DPP6: variants seen among roughly 807,000 people sequenced by gnomAD.
DPP6 encodes dipeptidyl peptidase like 6.
In DPP6, 69 loss-of-function variants were observed where a neutral mutation model predicts 122.6. That is an observed-to-expected ratio of 0.56 (90% CI 0.46 to 0.69). DPP6 has a LOEUF of 0.69. DPP6 is among the 30% of genes least tolerant of loss of function. DPP6 has a pLI of 0.00. For synonymous variants in DPP6, 418 were observed against 433.1 expected, an observed-to-expected ratio of 0.97 and a Z score of 0.43; for missense variants, 928 against 1,116.9, an observed-to-expected ratio of 0.83 and a Z score of 2.41.
At chr7:154,471,276 C>T (rs1203459232) in intron 2 of DPP6, among the ~76,000 whole-genome samples, 1 of 152,138 alleles carries the variant, frequency 6.6e-6, no homozygotes, top group Non-Finnish European at 1.5e-5. Flanking sequence ...AAAAGCATAG[C>T]TGCTTCTTTC....
intron 3 of DPP6, among the ~76,000 whole-genome samples, chr7:154,522,473 A>G (rs1827075738): frequency 6.6e-6 from 1 of 152,134 alleles, no homozygotes; most frequent in African/African-American, 2.4e-5. Flanking sequence ...GAAGCTGGGA[A>G]ATCTCCAGGT....
intron 1 of DPP6, among the ~76,000 whole-genome samples, chr7:154,119,232 A>C (rs1417578657): frequency 6.6e-6 from 1 of 152,208 alleles, no homozygotes; most frequent in African/African-American, 2.4e-5. Flanking sequence ...AGGAGGGGCC[A>C]TTATGCTCTG....
rs1554498771 is a variant in DPP6 at position 154,241,185 on chromosome 7, ATGTGTGTGTG to A, written c.243+188148_243+188157del. On this transcript the variant is annotated intron_variant, in intron 1 of 25. Coordinates refer to ENST00000377770, the MANE Select transcript of DPP6 (RefSeq NM_130797.4). This position sits in a 1 kb window ranked among gnomAD's most constrained non-coding sequence, Gnocchi z 9.0. ...GCACAGTAGGTAATTCAATATCAATATGTGTGTGTGTGTGTGTGTGTGTGTGTGTGTGTGT... is the reference window on the plus strand; with the variant it reads ...GCACAGTAGGTAATTCAATATCAATATGTGTGTGTGTGTGTGTGTGTGTGT... Among the ~76,000 whole-genome samples the A allele has an allele frequency of 1.5e-5, 2 of 136,212 alleles. No individual in the cohort carries two copies. Among genetic ancestry groups the A allele is most frequent in the South Asian group, 2.6e-4 (1 of 3,842 alleles). 89.4% of individuals were successfully genotyped at this position (136,212 alleles called of 152,430 possible).
chr7:153,808,419 C>CTG, the DPP6 span, among the ~76,000 whole-genome samples: 3 of 151,146 alleles, frequency 2.0e-5, no homozygotes, highest in Non-Finnish European at 4.4e-5. Flanking sequence ...GTATGTGTGT[C>CTG]TGTGTGTGTG....
At chr7:154,736,974 T>C (rs1016442473) in intron 8 of DPP6, among the ~76,000 whole-genome samples, 1 of 152,206 alleles carries the variant, frequency 6.6e-6, no homozygotes, top group Non-Finnish European at 1.5e-5. Context: ...TCGTTTTAAT[T>C]ATGAGTTTCA....
intron 16 of DPP6, among the ~76,000 whole-genome samples, chr7:154,837,584 C>T (rs1801189830): frequency 6.6e-6 from 1 of 152,106 alleles, no homozygotes. Context: ...ATTTTTCTGT[C>T]CCTGGGCCAG....
At chr7:154,404,591 A>G (rs1283776988) in intron 1 of DPP6, among the ~76,000 whole-genome samples, 2 of 152,258 alleles carry the variant, frequency 1.3e-5, no homozygotes, top group Non-Finnish European at 2.9e-5. Flanking sequence ...AATAGGAATG[A>G]TGACCAGGTC....
At chr7:154,261,442 G>T (rs1280016369) in intron 1 of DPP6, among the ~76,000 whole-genome samples, 1 of 152,144 alleles carries the variant, frequency 6.6e-6, no homozygotes, top group African/African-American at 2.4e-5. Flanking sequence ...AATTCTAGAA[G>T]ATAACATCAT....
intron 1 of DPP6, among the ~76,000 whole-genome samples, chr7:154,006,179 C>T (rs553962296): frequency 6.6e-6 from 1 of 152,246 alleles, no homozygotes; most frequent in Admixed American, 6.5e-5. Flanking sequence ...CTGACCTTGG[C>T]CCTATAATCA....
rs76285403 is a variant in DPP6, at chr7:154,675,734, G to A, written c.762+6293G>A. ...CATTCACCTATTGGCACATTCACTCGCTCTCCCCAACCGCGAATGCTGCCC... is the reference window on the plus strand; with the variant it reads ...CATTCACCTATTGGCACATTCACTCACTCTCCCCAACCGCGAATGCTGCCC... On this transcript the variant is annotated intron_variant, in intron 7 of 25. Coordinates refer to ENST00000377770, the MANE Select transcript of DPP6 (RefSeq NM_130797.4). Among the ~76,000 whole-genome samples the A allele has an allele frequency of 9.3e-3, 1,418 of 152,112 alleles. 26 individuals are homozygous for A. The highest frequency in any genetic ancestry group is 0.031 in the African/African-American group (1,291 of 41,452).
At chr7:154,305,304 G>T (rs1806225928) in intron 1 of DPP6, 1 of 1,355,950 alleles carries the variant, frequency 7.4e-7, no homozygotes. Context: ...TCTCTCTGCT[G>T]CTTGCATTTA....
At chr7:154,794,766 G>A (rs925053861) in intron 11 of DPP6, among the ~76,000 whole-genome samples, 5 of 60,374 alleles carry the variant, frequency 8.3e-5, no homozygotes, top group African/African-American at 2.1e-4. Context: ...GGTTGCCCGG[G>A]TGGAGCAGGC....
chr7:154,283,082 G>T (rs376171718), intron 1 of DPP6, among the ~76,000 whole-genome samples: 1 of 152,156 alleles, frequency 6.6e-6, no homozygotes, highest in Non-Finnish European at 1.5e-5. Flanking sequence ...GTGATATTGA[G>T]TGAGCCCTTT....
rs1431762347 is a variant in DPP6 at position 154,118,538 on chromosome 7, C to T, written c.243+65475C>T. On this transcript the variant is annotated intron_variant, in intron 1 of 25. Coordinates refer to ENST00000377770, the MANE Select transcript of DPP6 (RefSeq NM_130797.4). ...TTTGACAGTTTAATAGTCACGTGGA[C>T]GCACACTGTTGTTTGCAGGAGGGGC... Among the ~76,000 whole-genome samples, 8 of 149,042 alleles carry T rather than the reference C, an allele frequency of 5.4e-5. No homozygotes were observed. The South Asian group carries it at 6.4e-4, about 12-fold the overall frequency.
intron 1 of DPP6, among the ~76,000 whole-genome samples, chr7:154,201,712 A>G (rs1357588648): frequency 2.0e-5 from 3 of 151,690 alleles, no homozygotes; most frequent in Non-Finnish European, 4.4e-5. Context: ...GGACTCCAAG[A>G]ATAGCAGTTA....
intron 1 of DPP6, among the ~76,000 whole-genome samples, chr7:154,010,960 G>A (rs1448926030): frequency 6.6e-6 from 1 of 152,186 alleles, no homozygotes; most frequent in Non-Finnish European, 1.5e-5. Flanking sequence ...AGTAGAAATG[G>A]GTACTTGAGT....
chr7:153,993,272 C>T (rs1797268250), intron 1 of DPP6, among the ~76,000 whole-genome samples: 1 of 152,190 alleles, frequency 6.6e-6, no homozygotes, highest in South Asian at 2.1e-4. Flanking sequence ...TCTTGTGAAG[C>T]AATAGATCTA....
At chr7:154,315,157 G>C (rs775699463) in intron 1 of DPP6, among the ~76,000 whole-genome samples, 1 of 152,164 alleles carries the variant, frequency 6.6e-6, no homozygotes, top group Non-Finnish European at 1.5e-5. Flanking sequence ...AGTAAATTAT[G>C]CATGCTTTGG....
the DPP6 span, among the ~76,000 whole-genome samples, chr7:153,797,054 T>G: frequency 2.6e-5 from 4 of 152,180 alleles, no homozygotes; most frequent in African/African-American, 7.2e-5. Context: ...GAACAATGTG[T>G]ATGACACCAA....
Sources: allele counts gnomAD v4.1 joint callset (sites outside exome capture counted in the v4.1 genomes callset), GRCh38; gene constraint gnomAD v4.1.1; non-coding constraint Gnocchi (gnomAD v3.1); transcripts MANE v1.5; gene names NCBI Gene and HGNC (gene_info 2026-07-23, HGNC 2026-07-21).